The following TRPM4 variants were observed in gnomAD, a reference collection of about 807,000 sequenced individuals.
TRPM4 encodes calcium-activated non-selective cation channel 1.
A neutral mutation model predicts 135.6 loss-of-function variants in TRPM4; 124 were observed. The ratio of observed to expected loss-of-function variants is 0.91; its 90% confidence interval spans 0.79 to 1.06. The LOEUF is 1.06. TRPM4 is among the 50% of genes least tolerant of loss of function. The pLI is 0.00. For missense variants in TRPM4, 1,658 were observed against 1,671.4 expected (o/e 0.99, Z 0.14); for synonymous variants, 745 against 705.6 (o/e 1.06, Z -0.88).
At position 49,184,452 on chromosome 19, in the gene TRPM4, CTTTTTT is replaced by C. The variant is rs67748057; in HGVS notation, c.1743+1261_1743+1266del. Among the ~76,000 whole-genome samples the C allele has an allele frequency of 4.2e-3, 191 of 45,504 alleles. 1 individual carries two copies. Among genetic ancestry groups the C allele is most frequent in the African/African-American group, 0.018 (176 of 9,516 alleles). 29.9% of individuals were successfully genotyped at this position (45,504 alleles called of 152,430 possible). A position where few individuals can be genotyped will look rare whatever the true frequency, so the allele number is the denominator to read the frequency against. ...TTTGGTTCATTTCTGTCTCTGTAGTCTTTTTTTTTTTTTTTTTTTTTTTTTTGAGAC... is the reference window on the plus strand; with the variant it reads ...TTTGGTTCATTTCTGTCTCTGTAGTCTTTTTTTTTTTTTTTTTTTTGAGAC... On this transcript the variant is annotated intron_variant, in intron 12 of 24. Transcript: ENST00000252826.
In TRPM4 at chr19:49,211,059, A is replaced by T. The variant is rs761598167; in HGVS notation, c.3506A>T (p.Glu1169Val). 1.9e-6 allele frequency: 3 copies of T among 1,614,010 alleles called. No homozygotes were observed. Among genetic ancestry groups the T allele is most frequent in the African/African-American group, 1.3e-5 (1 of 74,916 alleles). ...LKQLGHIREYEQRLKVLEREV... is the reference protein window; with the variant it reads ...LKQLGHIREYVQRLKVLEREV... Reference sequence around the variant, plus strand: ...CAGCTGGGACACATCCGCGAGTACGAACAGCGCCTGAAAGTGCTGGAGCGG... The same window carrying T: ...CAGCTGGGACACATCCGCGAGTACGTACAGCGCCTGAAAGTGCTGGAGCGG... Residue 1169 changes from glutamate (E) to valine (V), a missense_variant, in exon 23 of 25, where the codon GAA becomes GTA. Around this residue, in one of 3 missense-constraint regions of TRPM4, gnomAD observed 1,412 missense variants for 1,408.7 expected, o/e 1.00. Transcript: ENST00000252826. The surrounding 1 kb of genome is among the most constrained non-coding windows in gnomAD (Gnocchi z 4.8).
intron 16 of TRPM4, among the ~76,000 whole-genome samples, chr19:49,193,238 G>A (rs1226847124): frequency 4.0e-5 from 6 of 151,768 alleles, no homozygotes; most frequent in Admixed American, 2.0e-4. Context: ...CCGCCACCAC[G>A]CCCGGCTAAT....
chr19:49,172,776 C>G (rs111281310), intron 9 of TRPM4, among the ~76,000 whole-genome samples: 431 of 96,606 alleles, frequency 4.5e-3, no homozygotes, highest in South Asian at 6.9e-3. Context: ...ATCCATCCAT[C>G]TTCTCACCTG....
intron 14 of TRPM4, 130 bp downstream of exon 14, chr19:49,189,221 TC>T: frequency 7.5e-7 from 1 of 1,331,360 alleles, no homozygotes; most frequent in Admixed American, 1.9e-5. Flanking sequence ...CCCCAGAAAG[TC>T]TCTCTTCTCT....
At position 49,183,108 on chromosome 19, in the gene TRPM4, C is replaced by T. The variant is rs919695965; in HGVS notation, c.1639C>T (p.Pro547Ser). The T allele has an allele frequency of 2.5e-6, 4 of 1,613,266 alleles. No individual in the cohort carries two copies. In the African/African-American group the frequency reaches 5.3e-5, roughly 22 times the overall value. ...MYLLSDKATS[P>S]LSLDAGLGQA... ...TCTGCTCTCGGACAAGGCCACCTCG[C>T]CGCTCTCGCTGGATGCTGGCCTCGG... Residue 547 changes from proline (P) to serine (S), a missense_variant, in exon 12 of 25, where the codon CCG becomes TCG. Physicochemically the swap from Pro to Ser is moderately conservative, Grantham distance 74. Around this residue, in one of 3 missense-constraint regions of TRPM4, gnomAD observed 1,412 missense variants for 1,408.7 expected, o/e 1.00. Coordinates refer to ENST00000252826, the MANE Select transcript of TRPM4 (RefSeq NM_017636.4).
intron 2 of TRPM4, among the ~76,000 whole-genome samples, chr19:49,164,107 T>TGC (rs1214264748): frequency 1.3e-5 from 2 of 152,222 alleles, no homozygotes; most frequent in Non-Finnish European, 2.9e-5. Flanking sequence ...CTCTTAAATC[T>TGC]GCTCACTAGG....
At chr19:49,203,820 T>C (rs955430042) in intron 20 of TRPM4, among the ~76,000 whole-genome samples, 2 of 152,176 alleles carry the variant, frequency 1.3e-5, no homozygotes, top group Admixed American at 6.5e-5. Flanking sequence ...TGAGTAATAT[T>C]CTATTGTACA....
intron 9 of TRPM4, among the ~76,000 whole-genome samples, chr19:49,180,055 C>G (rs1440773219): frequency 6.6e-6 from 1 of 152,132 alleles, no homozygotes; most frequent in Non-Finnish European, 1.5e-5. Flanking sequence ...TCTGCCTGCC[C>G]CAGAGCCTAT....
Position 49,171,906 on chromosome 19 carries a change from A to T in TRPM4, c.1051-103A>T. Reference sequence around the variant, plus strand: ...GAAGAGGGTGCTGGGCATATAGACTATTAGGTCCTGGAGGGGAATGGCCTC... The same window carrying T: ...GAAGAGGGTGCTGGGCATATAGACTTTTAGGTCCTGGAGGGGAATGGCCTC... On this transcript the variant is annotated intron_variant, in intron 8 of 24. Coordinates refer to ENST00000252826, the MANE Select transcript of TRPM4 (RefSeq NM_017636.4). This position sits in a 1 kb window ranked among gnomAD's most constrained non-coding sequence, Gnocchi z 4.7. The T allele has an allele frequency of 7.3e-7, 1 of 1,363,794 alleles. No homozygotes were observed. Among genetic ancestry groups the T allele is most frequent in the African/African-American group, 1.4e-5 (1 of 69,834 alleles). The allele number at this position is 1,363,794 out of a possible 1,614,324, so 84.5% of individuals were successfully genotyped here. A position where few individuals can be genotyped will look rare whatever the true frequency, so the allele number is the denominator to read the frequency against.
intron 17 of TRPM4, among the ~76,000 whole-genome samples, chr19:49,199,106 A>G (rs184054151): frequency 4.3e-4 from 65 of 151,470 alleles, no homozygotes; most frequent in Non-Finnish European, 6.0e-4. Context: ...GTAGCTCTCA[A>G]TTTAACTGAA....
At chr19:49,186,960 A>T (rs546022046) in intron 12 of TRPM4, among the ~76,000 whole-genome samples, 52 of 152,144 alleles carry the variant, frequency 3.4e-4, no homozygotes, top group Non-Finnish European at 6.3e-4. Context: ...AAGCAAAGTC[A>T]AGTCCTTGAG....
chr19:49,210,318 GTCA>G lies in TRPM4; in HGVS notation c.3244_3246del (p.Ile1082del). The G allele has an allele frequency of 6.2e-7, 1 of 1,614,178 alleles. No individual in the cohort carries two copies. Among genetic ancestry groups the G allele is most frequent in the Non-Finnish European group, 8.5e-7 (1 of 1,180,040 alleles). ...GCCCGCGCTGGCCCCGCCCTTTATC[GTCA>G]TCTCCCACTTGCGCCTCCTGCTCAG... On this transcript the variant is annotated inframe_deletion, in exon 21 of 25. Coordinates refer to ENST00000252826, the MANE Select transcript of TRPM4 (RefSeq NM_017636.4). This position sits in a 1 kb window ranked among gnomAD's most constrained non-coding sequence, Gnocchi z 4.1.
At chr19:49,170,660 A>G (rs1446791477) in intron 6 of TRPM4, among the ~76,000 whole-genome samples, 2 of 152,124 alleles carry the variant, frequency 1.3e-5, no homozygotes, top group Non-Finnish European at 2.9e-5. Context: ...CAATGACAGG[A>G]TTGACTCATA....
chr19:49,202,854 A>G (rs956966390), intron 20 of TRPM4, among the ~76,000 whole-genome samples: 1 of 144,374 alleles, frequency 6.9e-6, no homozygotes, highest in East Asian at 2.1e-4. Context: ...TTGTGGTAAA[A>G]TTATATAAAA....
intron 14 of TRPM4, among the ~76,000 whole-genome samples, chr19:49,189,402 G>A (rs373667523): frequency 6.6e-6 from 1 of 152,172 alleles, no homozygotes; most frequent in Non-Finnish European, 1.5e-5. Flanking sequence ...CGCTTTCAGG[G>A]AAGAGTCCAT....
chr19:49,158,517 C>G lies in TRPM4; in HGVS notation c.92+258C>G, dbSNP rs527346073. The G allele has an allele frequency of 7.5e-6, 4 of 530,066 alleles. No homozygotes were observed. The African/African-American group carries it at 7.6e-5, about 10-fold the overall frequency. The allele number at this position is 530,066 out of a possible 1,614,324, so 32.8% of individuals were successfully genotyped here. A position where few individuals can be genotyped will look rare whatever the true frequency, so the allele number is the denominator to read the frequency against. ...TCTGCTTCTTTCCTCCCCGATGTCT[C>G]TTCTATGTGCTTCTGTCTCTTCGTG... On this transcript the variant is annotated intron_variant, in intron 2 of 24. Transcript: ENST00000252826.
intron 5 of TRPM4, 26 bp from the exon 6 acceptor site, chr19:49,168,527 C>G (rs1967323207): frequency 6.2e-7 from 1 of 1,613,686 alleles, no homozygotes; most frequent in Non-Finnish European, 8.5e-7. Flanking sequence ...TGAGGAGACG[C>G]CCTGGTCTGG....
chr19:49,200,646 C>G lies in TRPM4; in HGVS notation c.2814C>G (p.Gly938=). The G allele has an allele frequency of 1.2e-6, 2 of 1,613,870 alleles. No homozygotes were observed. The highest frequency in any genetic ancestry group is 1.7e-6 in the Non-Finnish European group (2 of 1,180,004). ...KDVFFFLFFL[G]VWLVAYGVAT... Reference sequence around the variant, plus strand: ...TGTTCTTCTTCCTCTTCTTCCTCGGCGTGTGGCTGGTAGCCTATGGCGTGG... The same window carrying G: ...TGTTCTTCTTCCTCTTCTTCCTCGGGGTGTGGCTGGTAGCCTATGGCGTGG... The change falls in exon 19 of 25, where the codon GGC becomes GGG. Residue 938 remains glycine, a synonymous_variant. Transcript: ENST00000252826.
At chr19:49,166,629 T>TGGGTCTCTGTCCCCGTCTCTCC (rs1967194484) in intron 3 of TRPM4, among the ~76,000 whole-genome samples, 3 of 143,992 alleles carry the variant, frequency 2.1e-5, no homozygotes, top group African/African-American at 7.7e-5. Context: ...CCTCTCTCTC[T>TGGGTCTCTGTCCCCGTCTCTCC]GGGTCTCTGT....
Sources: allele counts gnomAD v4.1 joint callset (sites outside exome capture counted in the v4.1 genomes callset), GRCh38; gene constraint gnomAD v4.1.1; regional missense constraint gnomAD v4.1.1; non-coding constraint Gnocchi (gnomAD v3.1); transcripts MANE v1.5; gene names NCBI Gene and HGNC (gene_info 2026-07-23, HGNC 2026-07-21).